ANK1: variants seen among roughly 807,000 people sequenced by gnomAD.
ANK1 encodes the protein ankyrin-1.
In ANK1, 51 loss-of-function variants were observed where a neutral mutation model predicts 210.4. That is an observed-to-expected ratio of 0.24 (90% confidence interval 0.19 to 0.31). The LOEUF (loss-of-function observed/expected upper bound fraction) is 0.31. Among genes scored for constraint, ANK1 ranks in the 10% least tolerant of loss-of-function variants. ANK1 has a pLI of 1.00. For missense variants in ANK1, 2,051 were observed against 2,504.4 expected (o/e 0.82, Z 3.86); for synonymous variants, 967 against 1,025.9 (o/e 0.94, Z 1.10).
chr8:41,881,006 G>C (rs993808061), intron 1 of ANK1, among the ~76,000 whole-genome samples: 1 of 152,256 alleles, frequency 6.6e-6, no homozygotes, highest in Non-Finnish European at 1.5e-5. Flanking sequence ...TTGCTCATAA[G>C]GGCTGGGATT....
intron 2 of ANK1, among the ~76,000 whole-genome samples, chr8:41,734,477 A>G (rs1411385763): frequency 6.6e-6 from 1 of 152,234 alleles, no homozygotes; most frequent in African/African-American, 2.4e-5. Flanking sequence ...TGCATCCTAA[A>G]TACTTGTAGA....
At chr8:41,660,437 C>G (rs576574128) in intron 42 of ANK1, 10 of 469,796 alleles carry the variant, frequency 2.1e-5, no homozygotes, top group African/African-American at 1.4e-4. Context: ...ACTCCCACCC[C>G]GAGGTATCCT....
At chr8:41,760,512 T>A (rs751451007) in intron 1 of ANK1, among the ~76,000 whole-genome samples, 2 of 152,182 alleles carry the variant, frequency 1.3e-5, no homozygotes, top group Non-Finnish European at 1.5e-5. Context: ...CTCGGGTACA[T>A]CTTTATTAGC....
intron 1 of ANK1, among the ~76,000 whole-genome samples, chr8:41,859,242 C>T (rs1029561960): frequency 4.6e-5 from 7 of 152,238 alleles, no homozygotes; most frequent in African/African-American, 1.4e-4. Flanking sequence ...ACGATGGGGC[C>T]AACGGCACCT....
Position 41,695,321 on chromosome 8 carries a change from C to A in ANK1, c.2971G>T (p.Val991Leu), listed in dbSNP as rs758454168. The stretch of plus-strand genomic sequence containing the variant: ...TGGGAGGCAAAGTGCGGGATCTCCA[C>A]GATTACAGGGCTGAGGCAAGGACAC... Reference protein sequence around the residue: ...TGAQFLSPVIVEIPHFASHGR... With the variant: ...TGAQFLSPVILEIPHFASHGR... Residue 991 changes from valine (V) to leucine (L), a missense_variant, in exon 27 of 43, where the codon GTG becomes TTG. Coordinates refer to ENST00000289734, the MANE Select transcript of ANK1 (RefSeq NM_000037.4). 2 of 1,614,000 alleles carry A rather than the reference C, an allele frequency of 1.2e-6. No homozygotes were observed. The highest frequency in any genetic ancestry group is 1.7e-6 in the Non-Finnish European group (2 of 1,180,020).
intron 14 of ANK1, among the ~76,000 whole-genome samples, 157 bp downstream of exon 14, chr8:41,715,495 C>A (rs1473504379): frequency 1.3e-5 from 2 of 152,248 alleles, no homozygotes; most frequent in Non-Finnish European, 2.9e-5. Context: ...GACACATCGG[C>A]TTGCAGGTGG....
At chr8:41,763,355 C>T (rs546403970) in intron 1 of ANK1, among the ~76,000 whole-genome samples, 4 of 152,070 alleles carry the variant, frequency 2.6e-5, no homozygotes, top group Non-Finnish European at 5.9e-5. Context: ...ACCATTGGGA[C>T]AAATGTATTA....
chr8:41,752,982 G>A (rs1015153091), intron 2 of ANK1, among the ~76,000 whole-genome samples: 3 of 151,872 alleles, frequency 2.0e-5, no homozygotes, highest in Admixed American at 6.6e-5. Flanking sequence ...ATTCAACCAG[G>A]ACACAGCAGT....
intron 39 of ANK1, among the ~76,000 whole-genome samples, chr8:41,666,800 C>T (rs1317462093): frequency 6.6e-6 from 1 of 152,228 alleles, no homozygotes; most frequent in East Asian, 1.9e-4. Flanking sequence ...CACGTGCATG[C>T]TGGACGTGAG....
intron 9 of ANK1, among the ~76,000 whole-genome samples, chr8:41,720,322 A>T (rs572720232): frequency 6.6e-6 from 1 of 152,306 alleles, no homozygotes; most frequent in South Asian, 2.1e-4. Flanking sequence ...TGGTCCCTAA[A>T]TTATGTGATT....
At chr8:41,875,131 T>C (rs1480317943) in intron 1 of ANK1, among the ~76,000 whole-genome samples, 3 of 152,194 alleles carry the variant, frequency 2.0e-5, no homozygotes, top group Non-Finnish European at 4.4e-5. Flanking sequence ...CCCCTCTTCC[T>C]GCCCTTTCTC....
chr8:41,810,729 C>T (rs1373741093), intron 1 of ANK1, among the ~76,000 whole-genome samples: 2 of 152,166 alleles, frequency 1.3e-5, no homozygotes, highest in African/African-American at 2.4e-5. Flanking sequence ...GCCAAAAGCG[C>T]GGAGAACAGG....
At chr8:41,765,477 C>T (rs1380674640) in intron 1 of ANK1, among the ~76,000 whole-genome samples, 3 of 152,064 alleles carry the variant, frequency 2.0e-5, no homozygotes, top group Non-Finnish European at 4.4e-5. Context: ...GAACTCCTGG[C>T]CTCAAGCAAT....
At chr8:41,849,518 TGTCCCAAAAAAA>T (rs1391977051) in intron 1 of ANK1, among the ~76,000 whole-genome samples, 1 of 34,266 alleles carries the variant, frequency 2.9e-5, no homozygotes, top group African/African-American at 1.7e-4. Flanking sequence ...AGCGAGACAA[TGTCCCAAAAAAA>T]AAAATGTAGT....
intron 1 of ANK1, among the ~76,000 whole-genome samples, chr8:41,771,029 A>G (rs1476726722): frequency 1.3e-5 from 2 of 152,222 alleles, no homozygotes; most frequent in Non-Finnish European, 2.9e-5. Flanking sequence ...TGACTGGCAC[A>G]GTGCCGGGCA....
rs562406546 is a variant in ANK1, at chr8:41,724,676, T to A, written c.613-122A>T. On this transcript the variant is annotated intron_variant, in intron 6 of 42. Coordinates refer to ENST00000289734, the MANE Select transcript of ANK1 (RefSeq NM_000037.4). Reference sequence around the variant, plus strand: ...ACTTTACAGACAAAGGAGATTTTGATGGGTGGGAACATTTGGTGAGGGGGT... The same window carrying A: ...ACTTTACAGACAAAGGAGATTTTGAAGGGTGGGAACATTTGGTGAGGGGGT... The A allele has an allele frequency of 4.2e-5, 37 of 889,968 alleles. No individual in the cohort carries two copies. In the South Asian group the frequency reaches 5.1e-4, roughly 12 times the overall value. 55.1% of individuals were successfully genotyped at this position (889,968 alleles called of 1,614,324 possible). A position where few individuals can be genotyped will look rare whatever the true frequency, so the allele number is the denominator to read the frequency against.
chr8:41,732,816 C>T (rs537894831), intron 3 of ANK1, among the ~76,000 whole-genome samples: 4 of 152,178 alleles, frequency 2.6e-5, no homozygotes, highest in Admixed American at 2.0e-4. Context: ...GCAACCTCCA[C>T]CTCCGCTTGA....
chr8:41,820,872 C>A (rs112295391), intron 1 of ANK1, among the ~76,000 whole-genome samples: 1,722 of 152,274 alleles, frequency 0.011, 19 homozygotes, highest in Non-Finnish European at 0.018. Flanking sequence ...GGGGCCGGGG[C>A]TGCAGAGAGG....
intron 1 of ANK1, among the ~76,000 whole-genome samples, chr8:41,885,043 AC>A (rs1818226483): frequency 6.6e-6 from 1 of 151,868 alleles, no homozygotes; most frequent in African/African-American, 2.4e-5. Context: ...AAGGGAAGTG[AC>A]AACTATCACA....
Sources: gnomAD v4.1 joint callset for allele counts (sites outside exome capture counted in the v4.1 genomes callset) on GRCh38, gnomAD v4.1.1 for gene constraint, MANE v1.5 for transcripts, NCBI Gene and HGNC (gene_info 2026-07-23, HGNC 2026-07-21) for gene names.